Variants in PAPPA2 observed in about 807,000 individuals in gnomAD.
The protein encoded by PAPPA2 is pappalysin 2, also known as pappalysin-2.
Under a neutral mutation model 176.4 loss-of-function variants are expected in PAPPA2, and 86 were observed. That is an observed-to-expected ratio of 0.49 (90% CI 0.41 to 0.58). The LOEUF (loss-of-function observed/expected upper bound fraction) is 0.58. Ranked by LOEUF, PAPPA2 falls within the 20% of genes least tolerant of loss-of-function variation. The pLI is 0.00. For missense variants in PAPPA2, 2,073 were observed against 2,256.9 expected, an observed-to-expected ratio of 0.92 and a Z score of 1.65; for synonymous variants, 809 against 852.2, an observed-to-expected ratio of 0.95 and a Z score of 0.88.
At chr1:176,634,799 G>GAGAT (rs11277807) in intron 3 of PAPPA2, among the ~76,000 whole-genome samples, 4,062 of 120,010 alleles carry the variant, frequency 0.034, 68 homozygotes, top group Middle Eastern at 0.078. Flanking sequence ...TCCAAGGAGA[G>GAGAT]AGATAGATAG....
chr1:176,754,514 C>A (rs1663328036), intron 14 of PAPPA2, among the ~76,000 whole-genome samples: 1 of 151,844 alleles, frequency 6.6e-6, no homozygotes, highest in South Asian at 2.1e-4. Context: ...GCCCCATGGC[C>A]CTGCTGAAAT....
chr1:176,540,265 A>G (rs541748305), intron 1 of PAPPA2, among the ~76,000 whole-genome samples: 3 of 152,346 alleles, frequency 2.0e-5, no homozygotes, highest in African/African-American at 4.8e-5. Flanking sequence ...GGAGGCTTGA[A>G]TAAAGAGCTA....
intron 14 of PAPPA2, among the ~76,000 whole-genome samples, chr1:176,744,512 A>G (rs535064729): frequency 6.6e-6 from 1 of 152,320 alleles, no homozygotes; most frequent in South Asian, 2.1e-4. Context: ...CCCAATATAT[A>G]ACGGCTTTTG....
At chr1:176,827,271 T>C (rs2102980191) in intron 21 of PAPPA2, among the ~76,000 whole-genome samples, 1 of 152,328 alleles carries the variant, frequency 6.6e-6, no homozygotes, top group Non-Finnish European at 1.5e-5. Context: ...TCATTTCTTC[T>C]TCTGGAAAAA....
At chr1:176,492,747 A>G (rs1432748057) in intron 1 of PAPPA2, among the ~76,000 whole-genome samples, 1 of 152,196 alleles carries the variant, frequency 6.6e-6, no homozygotes, top group Admixed American at 6.5e-5. Flanking sequence ...AGTAATTATA[A>G]TAATACCTTA....
rs115824047 is a variant in PAPPA2 at position 176,779,422 on chromosome 1, C to T, written c.4715+8242C>T. ...AGGGATTCTGGGTGGGACAGAAATACGAAGAATTAAGTAGGGTGGAGAAAA... is the reference window on the plus strand; with the variant it reads ...AGGGATTCTGGGTGGGACAGAAATATGAAGAATTAAGTAGGGTGGAGAAAA... On this transcript the variant is annotated intron_variant, in intron 17 of 22. Coordinates refer to ENST00000367662, the MANE Select transcript of PAPPA2 (RefSeq NM_020318.3). Among the ~76,000 whole-genome samples the T allele has an allele frequency of 3.2e-3, 475 of 148,676 alleles. 1 individual carries two copies. Among genetic ancestry groups the T allele is most frequent in the Non-Finnish European group, 5.5e-3 (369 of 67,486 alleles).
intron 14 of PAPPA2, among the ~76,000 whole-genome samples, chr1:176,750,887 T>G (rs1490282398): frequency 6.6e-6 from 1 of 152,204 alleles, no homozygotes. Context: ...ATCCTTGAAC[T>G]GAGAATTTAC....
chr1:176,509,038 T>C (rs1264773823), intron 1 of PAPPA2, among the ~76,000 whole-genome samples: 1 of 152,008 alleles, frequency 6.6e-6, no homozygotes, highest in East Asian at 1.9e-4. Flanking sequence ...ATATGTTAGA[T>C]GAAATATAAT....
intron 20 of PAPPA2, among the ~76,000 whole-genome samples, chr1:176,796,844 CCTCT>C (rs1188095224): frequency 1.3e-5 from 2 of 150,026 alleles, no homozygotes; most frequent in Non-Finnish European, 3.0e-5. Context: ...TTTCTGACCC[CCTCT>C]CTCTCTCCCA....
At position 176,611,266 on chromosome 1, in the gene PAPPA2, A is replaced by G. The variant is rs982365025; in HGVS notation, c.1991+15671A>G. Among the ~76,000 whole-genome samples the G allele has an allele frequency of 3.3e-5, 5 of 152,222 alleles. No homozygotes were observed. In the East Asian group the frequency reaches 7.7e-4, roughly 23 times the overall value. On this transcript the variant is annotated intron_variant, in intron 3 of 22. Coordinates refer to ENST00000367662, the MANE Select transcript of PAPPA2 (RefSeq NM_020318.3). Reference sequence around the variant, plus strand: ...GGGCATAATGTCACAGAGAATTGGCATCTGGCATCTATAAGAAGATATCAG... The same window carrying G: ...GGGCATAATGTCACAGAGAATTGGCGTCTGGCATCTATAAGAAGATATCAG...
Position 176,557,220 on chromosome 1 carries a change from A to G in PAPPA2, c.898A>G (p.Asn300Asp). 1 of 1,600,566 alleles carries G rather than the reference A, an allele frequency of 6.2e-7. No homozygotes were observed. The highest frequency in any genetic ancestry group is 8.5e-7 in the Non-Finnish European group (1 of 1,173,722). ...EAWVKPEGGQ[N>D]NPAIIAGVFD... ...CTGGGTTAAACCGGAGGGAGGACAG[A>G]ACAACCCAGCCATCATCGCAGGTAA... Residue 300 changes from asparagine (N) to aspartate (D), a missense_variant, in exon 2 of 23, where the codon AAC becomes GAC. Physicochemically the swap from Asn to Asp is conservative, Grantham distance 23. Coordinates refer to ENST00000367662, the MANE Select transcript of PAPPA2 (RefSeq NM_020318.3).
chr1:176,517,122 A>G (rs1648958058), intron 1 of PAPPA2, among the ~76,000 whole-genome samples: 1 of 152,132 alleles, frequency 6.6e-6, no homozygotes, highest in Admixed American at 6.5e-5. Context: ...AAAAACCAGG[A>G]AAAAATTTCC....
chr1:176,566,060 T>C (rs1348121306), intron 2 of PAPPA2, among the ~76,000 whole-genome samples: 1 of 152,212 alleles, frequency 6.6e-6, no homozygotes. Flanking sequence ...CAGATTCTGA[T>C]GCAGCAGCAC....
intron 2 of PAPPA2, among the ~76,000 whole-genome samples, chr1:176,575,472 G>A (rs1301797028): frequency 1.3e-5 from 2 of 152,064 alleles, no homozygotes; most frequent in Non-Finnish European, 1.5e-5. Context: ...GTCAAATCTG[G>A]TTCACTCTTA....
chr1:176,706,313 A>C, intron 9 of PAPPA2, 46 bp from the exon 10 acceptor site: 1 of 1,532,204 alleles, frequency 6.5e-7, no homozygotes, highest in Non-Finnish European at 9.0e-7. Flanking sequence ...TAAACAAGAA[A>C]ATTTGTGTGT....
intron 12 of PAPPA2, among the ~76,000 whole-genome samples, chr1:176,733,235 G>A (rs1297263163): frequency 6.6e-6 from 1 of 152,118 alleles, no homozygotes; most frequent in Non-Finnish European, 1.5e-5. Context: ...ATTGTCTAAG[G>A]TGCATTTAAG....
At chr1:176,728,189 T>C (rs1189022265) in intron 12 of PAPPA2, among the ~76,000 whole-genome samples, 1 of 151,900 alleles carries the variant, frequency 6.6e-6, no homozygotes, top group Non-Finnish European at 1.5e-5. Flanking sequence ...ATTACTATTA[T>C]TTTACTTTCT....
At chr1:176,764,721 C>G (rs1240283174) in intron 14 of PAPPA2, among the ~76,000 whole-genome samples, 1 of 152,080 alleles carries the variant, frequency 6.6e-6, no homozygotes, top group Non-Finnish European at 1.5e-5. Flanking sequence ...CTCAGCCTCC[C>G]TAGTAGCTGG....
chr1:176,799,010 A>C (rs1397453243), intron 20 of PAPPA2, among the ~76,000 whole-genome samples: 1 of 152,204 alleles, frequency 6.6e-6, no homozygotes, highest in East Asian at 1.9e-4. Context: ...AATGTCTCCA[A>C]TCTAATGATT....
Sources: allele counts gnomAD v4.1 joint callset (sites outside exome capture counted in the v4.1 genomes callset), GRCh38; gene constraint gnomAD v4.1.1; transcripts MANE v1.5; gene names NCBI Gene and HGNC (gene_info 2026-07-23, HGNC 2026-07-21).